FBXO38: variants seen among roughly 807,000 people sequenced by gnomAD.
FBXO38 encodes F-box only protein 38.
Under a neutral mutation model 131.9 loss-of-function variants are expected in FBXO38, and 53 were observed. The observed-to-expected ratio is 0.40, with a 90% CI of 0.32 to 0.51. The LOEUF (loss-of-function observed/expected upper bound fraction) is 0.51, where lower values mean the gene tolerates loss of function less well. FBXO38 is among the 20% of genes least tolerant of loss of function. The pLI is 0.53. For missense variants in FBXO38, 1,076 were observed against 1,475.6 expected, an observed-to-expected ratio of 0.73 and a Z score of 4.44; for synonymous variants, 452 against 505.6, an observed-to-expected ratio of 0.89 and a Z score of 1.42.
chr5:148,385,778 A>G (rs1757883161), intron 1 of FBXO38, among the ~76,000 whole-genome samples: 2 of 152,220 alleles, frequency 1.3e-5, no homozygotes, highest in Non-Finnish European at 2.9e-5. Context: ...GTGATATGCA[A>G]GATTACTTTG....
chr5:148,427,172 C>A (rs770405152), intron 14 of FBXO38, 41 bp from the exon 15 acceptor site: 28 of 1,535,644 alleles, frequency 1.8e-5, no homozygotes, highest in Middle Eastern at 1.8e-4. Context: ...ATACTGAAAT[C>A]TTTTCTTTTC....
rs1238402437 is a variant in FBXO38, at chr5:148,433,855, G to A, written c.2857+118G>A. The A allele has an allele frequency of 1.3e-5, 7 of 547,252 alleles. No individual in the cohort carries two copies. In the East Asian group the frequency reaches 1.8e-4, roughly 14 times the overall value. The allele number at this position is 547,252 out of a possible 1,614,324, so 33.9% of individuals were successfully genotyped here. On this transcript the variant is annotated intron_variant, in intron 17 of 21. Transcript: ENST00000340253. ...TTTCTTAAAGGAAATATTGTGTTGG[G>A]TTATCTTTAGTTCCGCCTTTGTTCT...
At chr5:148,437,295 T>C (rs1347643135) in intron 17 of FBXO38, among the ~76,000 whole-genome samples, 1 of 152,248 alleles carries the variant, frequency 6.6e-6, no homozygotes, top group Non-Finnish European at 1.5e-5. Context: ...ACCTTAGTCA[T>C]GTCGGATTTT....
At chr5:148,401,440 A>G (rs536409135) in intron 3 of FBXO38, among the ~76,000 whole-genome samples, 12 of 152,178 alleles carry the variant, frequency 7.9e-5, no homozygotes, top group Non-Finnish European at 1.8e-4. Flanking sequence ...CGGGGGAGTA[A>G]TAGTTAAACA....
intron 11 of FBXO38, 82 bp downstream of exon 11, chr5:148,416,152 T>TC: frequency 1.5e-6 from 2 of 1,348,148 alleles, no homozygotes; most frequent in Non-Finnish European, 2.0e-6. Flanking sequence ...TTTTTTTTCT[T>TC]TTCAATGATA....
chr5:148,399,195 A>C (rs1751999511), intron 3 of FBXO38, 63 bp downstream of exon 3: 1 of 1,574,254 alleles, frequency 6.4e-7, no homozygotes, highest in Admixed American at 1.8e-5. Context: ...CAATGGTTTC[A>C]TAAAAAGTTA....
intron 17 of FBXO38, 72 bp from the exon 18 acceptor site, chr5:148,438,260 T>C (rs1754463736): frequency 1.2e-5 from 17 of 1,399,158 alleles, no homozygotes; most frequent in Non-Finnish European, 1.5e-5. Flanking sequence ...TGCAGTATTT[T>C]GTGCCAACAA....
chr5:148,416,344 G>A (rs941417126), intron 11 of FBXO38, among the ~76,000 whole-genome samples: 1 of 152,072 alleles, frequency 6.6e-6, no homozygotes, highest in Non-Finnish European at 1.5e-5. Flanking sequence ...TAAGGGTGAG[G>A]CTGGAAATTT....
intron 8 of FBXO38, among the ~76,000 whole-genome samples, chr5:148,409,727 T>TG (rs1363119193): frequency 2.0e-5 from 3 of 152,244 alleles, no homozygotes; most frequent in Non-Finnish European, 4.4e-5. Flanking sequence ...TACATATCAA[T>TG]GGTCTACCTC....
At chr5:148,414,550 A>G (rs73264581) in intron 10 of FBXO38, among the ~76,000 whole-genome samples, 1,530 of 152,216 alleles carry the variant, frequency 0.01, 26 homozygotes, top group African/African-American at 0.035. Context: ...AAGTGCCCTG[A>G]TTTTTATATG....
chr5:148,442,701 G>A lies in FBXO38; in HGVS notation c.*554G>A, dbSNP rs1225982456. The A allele has an allele frequency of 6.6e-6, 1 of 152,052 alleles. No homozygotes were observed. The highest frequency in any genetic ancestry group is 1.9e-4 in the East Asian group (1 of 5,176). 9.4% of individuals were successfully genotyped at this position (152,052 alleles called of 1,614,324 possible). A position where few individuals can be genotyped will look rare whatever the true frequency, so the allele number is the denominator to read the frequency against. On this transcript the variant is annotated 3_prime_UTR_variant, in exon 22 of 22. Coordinates refer to ENST00000340253, the MANE Select transcript of FBXO38 (RefSeq NM_205836.3). The stretch of plus-strand genomic sequence containing the variant: ...CATGTTTCTTAAAATCAAGTAAAAA[G>A]ACTTATGAGCTTAAAAAAAAGTGAG...
chr5:148,400,920 G>A (rs1752113465), intron 3 of FBXO38, among the ~76,000 whole-genome samples: 1 of 151,990 alleles, frequency 6.6e-6, no homozygotes, highest in Admixed American at 6.6e-5. Context: ...ACATTGAATC[G>A]TTCAGTCATT....
chr5:148,439,436 A>G (rs1754545057), intron 18 of FBXO38, among the ~76,000 whole-genome samples: 1 of 152,178 alleles, frequency 6.6e-6, no homozygotes, highest in Admixed American at 6.5e-5. Flanking sequence ...TAACAGTGAG[A>G]TATAAATTGC....
chr5:148,432,615 C>G (rs747690318), intron 15 of FBXO38, among the ~76,000 whole-genome samples: 1 of 152,212 alleles, frequency 6.6e-6, no homozygotes, highest in Non-Finnish European at 1.5e-5. Flanking sequence ...GTGCCTGACA[C>G]ACAGTAAGCG....
chr5:148,414,756 A>G (rs1298906672), intron 10 of FBXO38, among the ~76,000 whole-genome samples: 1 of 152,124 alleles, frequency 6.6e-6, no homozygotes, highest in Non-Finnish European at 1.5e-5. Context: ...ATCCCAGTCT[A>G]TTTCAGATCT....
At chr5:148,410,251 G>T in intron 8 of FBXO38, 1 of 177,808 alleles carries the variant, frequency 5.6e-6, no homozygotes, top group Non-Finnish European at 1.2e-5. Context: ...TTGTGAGAGG[G>T]ACCCAGTGGG....
rs1347738228 is a variant in FBXO38 at position 148,442,626 on chromosome 5, G to T, written c.*479G>T. 1.3e-5 allele frequency: 2 copies of T among 152,298 alleles called. No homozygotes were observed. The highest frequency in any genetic ancestry group is 2.4e-5 in the African/African-American group (1 of 41,384). The allele number at this position is 152,298 out of a possible 1,614,324, so 9.4% of individuals were successfully genotyped here. A position where few individuals can be genotyped will look rare whatever the true frequency, so the allele number is the denominator to read the frequency against. On this transcript the variant is annotated 3_prime_UTR_variant, in exon 22 of 22. Transcript: ENST00000340253. Reference sequence around the variant, plus strand: ...AACTAAACCTTATAGTCAAGACAAGGCTCTATGTTTCTGTACAAAGCTGTA... The same window carrying T: ...AACTAAACCTTATAGTCAAGACAAGTCTCTATGTTTCTGTACAAAGCTGTA...
intron 2 of FBXO38, among the ~76,000 whole-genome samples, chr5:148,397,153 T>G (rs1421054027): frequency 2.0e-5 from 3 of 152,210 alleles, no homozygotes; most frequent in Non-Finnish European, 4.4e-5. Flanking sequence ...ATTGTGGTGG[T>G]GTAGTAACTA....
In FBXO38 at chr5:148,427,637, C is replaced by T. The variant is rs764011030; in HGVS notation, c.2343C>T (p.Pro781=). The T allele has an allele frequency of 6.8e-6, 11 of 1,614,052 alleles. No homozygotes were observed. The Admixed American group carries it at 1.3e-4, about 20-fold the overall frequency. Residue 781 remains proline, a synonymous_variant, in exon 15 of 22, where the codon CCC becomes CCT. Coordinates refer to ENST00000340253, the MANE Select transcript of FBXO38 (RefSeq NM_205836.3). The part of the protein sequence containing the change: ...SVCPRCCCHR[P]QESQRRTSRC... ...GCCCCAGATGCTGCTGTCACAGGCC[C>T]CAGGAATCCCAAAGGAGAACTAGCA...
Sources: gnomAD v4.1 joint callset for allele counts (sites outside exome capture counted in the v4.1 genomes callset) on GRCh38, gnomAD v4.1.1 for gene constraint, MANE v1.5 for transcripts, NCBI Gene and HGNC (gene_info 2026-07-23, HGNC 2026-07-21) for gene names.